The following CCDC157 variants were observed in gnomAD, a reference collection of about 807,000 sequenced individuals.
The protein encoded by CCDC157 is coiled-coil domain containing 157.
CCDC157 carries 60 observed loss-of-function variants against 70.9 expected under a neutral mutation model. That is an observed-to-expected ratio of 0.85 (90% CI 0.69 to 1.05). The LOEUF (loss-of-function observed/expected upper bound fraction) is 1.05, where lower values mean the gene tolerates loss of function less well. Ranked by LOEUF, CCDC157 falls within the 50% of genes least tolerant of loss-of-function variation. The pLI, the probability that CCDC157 is intolerant of heterozygous loss-of-function variation, is 0.00. For synonymous variants in CCDC157, 373 were observed against 422.4 expected (o/e 0.88, Z 1.43); for missense variants, 943 against 984.2 (o/e 0.96, Z 0.56).
At chr22:30,369,364 C>A in intron 3 of CCDC157, 68 bp from the exon 4 acceptor site, 1 of 1,319,248 alleles carries the variant, frequency 7.6e-7, no homozygotes, top group Non-Finnish European at 1.0e-6. Flanking sequence ...GCCAGAGCTG[C>A]GGTTGTATGG....
intron 5 of CCDC157, chr22:30,371,245 G>A (rs1199855537): frequency 3.9e-6 from 2 of 518,434 alleles, no homozygotes; most frequent in Admixed American, 6.5e-5. Flanking sequence ...GTCAGTCATT[G>A]AGGGCTACTT....
chr22:30,368,841 C>T (rs1183841405), intron 3 of CCDC157: 1 of 152,234 alleles, frequency 6.6e-6, no homozygotes, highest in Non-Finnish European at 1.5e-5. Context: ...TATTATAATA[C>T]TCCTTTTTCT....
chr22:30,359,731 A>G (rs1932197917), intron 1 of CCDC157, among the ~76,000 whole-genome samples: 1 of 152,234 alleles, frequency 6.6e-6, no homozygotes, highest in South Asian at 2.1e-4. Context: ...TGTTGAAATG[A>G]TAATGTTTTG....
chr22:30,374,101 T>C lies in CCDC157; in HGVS notation c.1672+10T>C. On this transcript the variant is annotated intron_variant, in intron 9 of 11. Coordinates refer to ENST00000338306, the MANE Select transcript of CCDC157 (RefSeq NM_001017437.5). ...GAGACCCAGATCCATGGTAGGGGAC[T>C]GGGGATGGTGCCAAGGGCATGCTGG... The C allele has an allele frequency of 6.3e-7, 1 of 1,584,672 alleles. No homozygotes were observed. The highest frequency in any genetic ancestry group is 8.6e-7 in the Non-Finnish European group (1 of 1,167,024).
At position 30,373,754 on chromosome 22, in the gene CCDC157, G is replaced by C. The variant is rs376030866; in HGVS notation, c.1493G>C (p.Arg498Thr). The C allele has an allele frequency of 2.5e-4, 391 of 1,552,428 alleles. No homozygotes were observed. Among genetic ancestry groups the C allele is most frequent in the Non-Finnish European group, 3.2e-4 (363 of 1,148,034 alleles). Reference protein sequence around the residue: ...SEREQGQCQLRAQQELLQSLQ... With the variant: ...SEREQGQCQLTAQQELLQSLQ... ...CGGGAGCAGGGGCAATGCCAGCTCA[G>C]GGCCCAGCAGGTGAGGGTGGGGGTC... The change falls in exon 8 of 12, where the codon AGG (arginine) becomes ACG (threonine). Residue 498 changes from arginine to threonine, a missense_variant. Transcript: ENST00000338306.
intron 3 of CCDC157, chr22:30,366,678 C>T (rs987268692): frequency 9.4e-6 from 2 of 213,554 alleles, no homozygotes; most frequent in African/African-American, 2.3e-5. Context: ...AGGCCGGACA[C>T]GGGATGTGGT....
intron 9 of CCDC157, chr22:30,374,959 T>C: frequency 1.5e-5 from 2 of 130,128 alleles, no homozygotes; most frequent in Non-Finnish European, 3.4e-5. Context: ...TAAGTCTTTT[T>C]TTTTTTTTTT....
In CCDC157 at chr22:30,370,426, C is replaced by A. The variant is rs775075127; in HGVS notation, c.521C>A (p.Ser174Tyr). 3 of 1,614,160 alleles carry A rather than the reference C, an allele frequency of 1.9e-6. No individual in the cohort carries two copies. The highest frequency in any genetic ancestry group is 2.5e-6 in the Non-Finnish European group (3 of 1,180,036). Reference sequence around the variant, plus strand: ...CTGACTACCAAGTTAATCAAGCCCTCCTCCCCAGTGCTAGGCTTGCCCCAG... The same window carrying A: ...CTGACTACCAAGTTAATCAAGCCCTACTCCCCAGTGCTAGGCTTGCCCCAG... Reference protein sequence around the residue: ...EYLTTKLIKPSSPVLGLPQTC... With the variant: ...EYLTTKLIKPYSPVLGLPQTC... Residue 174 changes from serine (S) to tyrosine (Y), a missense_variant, in exon 5 of 12, where the codon TCC becomes TAC. Coordinates refer to ENST00000338306, the MANE Select transcript of CCDC157 (RefSeq NM_001017437.5).
intron 11 of CCDC157, 25 bp downstream of exon 11, chr22:30,376,372 G>A (rs371801803): frequency 1.2e-5 from 20 of 1,613,536 alleles, no homozygotes; most frequent in Non-Finnish European, 1.7e-5. Context: ...ACTGGAGGTG[G>A]GGCAGGTGAG....
intron 7 of CCDC157, 132 bp from the exon 8 acceptor site, chr22:30,373,465 C>T: frequency 1.0e-6 from 1 of 962,024 alleles, no homozygotes; most frequent in Non-Finnish European, 1.5e-6. Context: ...GACCAGCATT[C>T]CCTAGACACA....
intron 9 of CCDC157, chr22:30,374,899 A>C (rs1476146255): frequency 3.8e-6 from 1 of 261,732 alleles, no homozygotes; most frequent in Non-Finnish European, 6.8e-6. Context: ...TAGCCTGTCC[A>C]AAACGGGGGG....
At chr22:30,363,723 C>CT in intron 2 of CCDC157, among the ~76,000 whole-genome samples, 1 of 129,836 alleles carries the variant, frequency 7.7e-6, no homozygotes, top group East Asian at 2.3e-4. Context: ...GAGTCTCACT[C>CT]TGTCACCCAG....
At chr22:30,375,970 T>G in intron 10 of CCDC157, 2 of 532,916 alleles carry the variant, frequency 3.8e-6, no homozygotes, top group Non-Finnish European at 6.6e-6. Flanking sequence ...GGCAGATCAC[T>G]CGAGCCCAGG....
rs557415482 is a variant in CCDC157 at position 30,366,026 on chromosome 22, C to A, written c.26C>A (p.Ala9Asp). The stretch of plus-strand genomic sequence containing the variant: ...ATGGCGCACCTGCTGGGCAGCCAGG[C>A]CTGCATGGAGAGCCTGCGCACAGAC... MAHLLGSQ[A>D]CMESLRTDLT... Residue 9 changes from alanine (A) to aspartate (D), a missense_variant, in exon 3 of 12, where the codon GCC becomes GAC. Ala to Asp is a moderately radical substitution (Grantham distance 126). Coordinates refer to ENST00000338306, the MANE Select transcript of CCDC157 (RefSeq NM_001017437.5). 20 of 1,601,778 alleles carry A rather than the reference C, an allele frequency of 1.2e-5. No individual in the cohort carries two copies. In the South Asian group the frequency reaches 2.2e-4, roughly 18 times the overall value.
chr22:30,361,013 C>T (rs890628651), intron 1 of CCDC157, among the ~76,000 whole-genome samples: 1 of 152,018 alleles, frequency 6.6e-6, no homozygotes, highest in Admixed American at 6.6e-5. Context: ...CACCACTGCA[C>T]TCCAGGCTGC....
At chr22:30,356,780 G>A, upstream of CCDC157, 2 of 1,435,810 alleles carry the variant, frequency 1.4e-6, no homozygotes, top group Non-Finnish European at 9.2e-7. Context: ...GCCTGCACGG[G>A]TCCGGCCGGC....
intron 9 of CCDC157, 150 bp from the exon 10 acceptor site, chr22:30,375,329 C>T: frequency 1.5e-6 from 1 of 675,142 alleles, no homozygotes; most frequent in Non-Finnish European, 2.5e-6. Context: ...ATCTTCCCTG[C>T]AGGTTGGGGG....
At position 30,378,394 on chromosome 22, in the gene CCDC157, C is replaced by T. The variant is rs919150118; in HGVS notation, c.*1649C>T. 1.6e-4 allele frequency: 37 copies of T among 229,082 alleles called. No individual in the cohort carries two copies. The highest frequency in any genetic ancestry group is 7.7e-4 in the African/African-American group (34 of 44,132). 14.2% of individuals were successfully genotyped at this position (229,082 alleles called of 1,614,324 possible). Reference sequence around the variant, plus strand: ...CTGTAATCCCAGCACTTTGGGAGGCCGAGGCAGGCGGATCACCTGAGATCG... The same window carrying T: ...CTGTAATCCCAGCACTTTGGGAGGCTGAGGCAGGCGGATCACCTGAGATCG... On this transcript the variant is annotated 3_prime_UTR_variant, in exon 12 of 12. Transcript: ENST00000338306.
rs373775730 is a variant in CCDC157, at chr22:30,375,567, C to T, written c.1761C>T (p.Ser587=). The change falls in exon 10 of 12, where the codon TCC becomes TCT. Residue 587 remains serine, a synonymous_variant. Coordinates refer to ENST00000338306, the MANE Select transcript of CCDC157 (RefSeq NM_001017437.5). The part of the protein sequence containing the change: ...VTDHMERQVQ[S]NDIRIRVLQE... ...ATCACATGGAGAGGCAAGTGCAGTC[C>T]AACGACATCCGCATCCGGGTCCTAC... 72 of 1,614,046 alleles carry T rather than the reference C, an allele frequency of 4.5e-5. No homozygotes were observed. The highest frequency in any genetic ancestry group is 1.5e-4 in the Admixed American group (9 of 60,008).
Sources: allele counts gnomAD v4.1 joint callset (sites outside exome capture counted in the v4.1 genomes callset), GRCh38; gene constraint gnomAD v4.1.1; transcripts MANE v1.5; gene names NCBI Gene and HGNC (gene_info 2026-07-23, HGNC 2026-07-21).